ANXA10: variants seen among roughly 807,000 people sequenced by gnomAD.
The protein encoded by ANXA10 is annexin A10, also known as annexin 14.
Under a neutral mutation model 53.5 loss-of-function variants are expected in ANXA10, and 49 were observed. That is an observed-to-expected ratio of 0.92 (90% CI 0.73 to 1.16). ANXA10 has a LOEUF of 1.16. ANXA10 is among the 50% of genes most tolerant of loss of function. ANXA10 has a pLI of 0.00. For synonymous variants in ANXA10, 131 were observed against 128.9 expected (o/e 1.02, Z -0.11); for missense variants, 393 against 394.4 (o/e 1.00, Z 0.03).
At chr4:168,124,116 G>A (rs1325141977) in intron 1 of ANXA10, among the ~76,000 whole-genome samples, 1 of 152,190 alleles carries the variant, frequency 6.6e-6, no homozygotes, top group Non-Finnish European at 1.5e-5. Flanking sequence ...TGATGCTGTA[G>A]TAGCATGTGC....
chr4:168,139,562 C>CG lies in ANXA10; in HGVS notation c.177_178insG (p.Gln60AlafsTer35). ...AAAGGATGATGATTGCAGAGGCATA[C>CG]CAGAGCATGTATGGCCGGGTAAGGC... On this transcript the variant is annotated frameshift_variant, in exon 3 of 12. Coordinates refer to ENST00000359299, the MANE Select transcript of ANXA10 (RefSeq NM_007193.5). LOFTEE classifies it high-confidence loss of function. The CG allele has an allele frequency of 6.2e-7, 1 of 1,611,334 alleles. No homozygotes were observed. Among genetic ancestry groups the CG allele is most frequent in the South Asian group, 1.1e-5 (1 of 90,848 alleles).
chr4:168,177,262 G>A (rs1325666744), intron 6 of ANXA10, among the ~76,000 whole-genome samples: 1 of 152,154 alleles, frequency 6.6e-6, no homozygotes, highest in East Asian at 1.9e-4. Flanking sequence ...ATAATGGAGT[G>A]AGAGTTAAAC....
chr4:168,102,501 A>G (rs945114379), intron 1 of ANXA10, among the ~76,000 whole-genome samples: 3 of 152,098 alleles, frequency 2.0e-5, no homozygotes, highest in Non-Finnish European at 2.9e-5. Context: ...GTCATAAACT[A>G]TTGAACCTTT....
chr4:168,143,428 C>T (rs1042739269), intron 3 of ANXA10, among the ~76,000 whole-genome samples: 2 of 152,204 alleles, frequency 1.3e-5, no homozygotes, highest in Non-Finnish European at 2.9e-5. Context: ...TACATTCGTG[C>T]AGAGTGGCTG....
At chr4:168,156,306 A>AATATATAATATATTAT (rs1731676175) in intron 3 of ANXA10, among the ~76,000 whole-genome samples, 3 of 66,968 alleles carry the variant, frequency 4.5e-5, no homozygotes, top group African/African-American at 1.6e-4. Context: ...TATTATATAT[A>AATATATAATATATTAT]ATAGTATATA....
At chr4:168,172,108 C>T (rs148537472) in intron 6 of ANXA10, among the ~76,000 whole-genome samples, 175 of 152,304 alleles carry the variant, frequency 1.1e-3, no homozygotes, top group African/African-American at 4.0e-3. Context: ...ATTCTGTACT[C>T]ATTTATGCCA....
chr4:168,110,102 T>C (rs1010571481), intron 1 of ANXA10, among the ~76,000 whole-genome samples: 28 of 152,060 alleles, frequency 1.8e-4, no homozygotes, highest in Non-Finnish European at 2.8e-4. Flanking sequence ...TCTCAGCTAC[T>C]CAAGAGGCTG....
At position 168,187,490 on chromosome 4, in the gene ANXA10, G is replaced by A; in HGVS notation, c.*56G>A. 8.4e-7 allele frequency: 1 copy of A among 1,193,652 alleles called. No individual in the cohort carries two copies. The highest frequency in any genetic ancestry group is 1.2e-6 in the Non-Finnish European group (1 of 855,836). The allele number at this position is 1,193,652 out of a possible 1,614,324, so 73.9% of individuals were successfully genotyped here. A position where few individuals can be genotyped will look rare whatever the true frequency, so the allele number is the denominator to read the frequency against. On this transcript the variant is annotated 3_prime_UTR_variant, in exon 12 of 12. Coordinates refer to ENST00000359299, the MANE Select transcript of ANXA10 (RefSeq NM_007193.5). The stretch of plus-strand genomic sequence containing the variant: ...CTCTTTCTAGACACTTCCAAATAGA[G>A]ATTTTCTCACAAATTTGTACTGTTC...
At chr4:168,109,100 G>A (rs1022570848) in intron 1 of ANXA10, among the ~76,000 whole-genome samples, 2 of 152,050 alleles carry the variant, frequency 1.3e-5, no homozygotes, top group Admixed American at 6.5e-5. Context: ...AATTATAAAG[G>A]GACCAATTTT....
At chr4:168,153,645 G>A (rs557346626) in intron 3 of ANXA10, among the ~76,000 whole-genome samples, 1 of 152,054 alleles carries the variant, frequency 6.6e-6, no homozygotes, top group East Asian at 1.9e-4. Flanking sequence ...AGGTTTTGTG[G>A]GGTTGGAAAG....
chr4:168,116,165 A>T (rs1730890105), intron 1 of ANXA10, among the ~76,000 whole-genome samples: 1 of 152,216 alleles, frequency 6.6e-6, no homozygotes, highest in South Asian at 2.1e-4. Context: ...TAAAGACTTC[A>T]CATAATATAG....
chr4:168,174,057 C>G (rs1175014141), intron 6 of ANXA10, among the ~76,000 whole-genome samples: 2 of 152,068 alleles, frequency 1.3e-5, no homozygotes, highest in East Asian at 1.9e-4. Context: ...TTGCTGAGAG[C>G]TGTTTCTTCA....
chr4:168,170,310 A>C (rs1293958991), intron 6 of ANXA10, among the ~76,000 whole-genome samples: 1 of 152,136 alleles, frequency 6.6e-6, no homozygotes, highest in Non-Finnish European at 1.5e-5. Flanking sequence ...TTTTCAAAAA[A>C]TGTAGCACCT....
chr4:168,135,950 T>C (rs1448299933), intron 2 of ANXA10, among the ~76,000 whole-genome samples: 1 of 152,038 alleles, frequency 6.6e-6, no homozygotes, highest in Non-Finnish European at 1.5e-5. Context: ...ACAGGAAGCA[T>C]GGCTGGGGAG....
chr4:168,181,335 G>T (rs1178516995), intron 9 of ANXA10, among the ~76,000 whole-genome samples: 1 of 148,322 alleles, frequency 6.7e-6, no homozygotes, highest in African/African-American at 2.5e-5. Context: ...AGCTTGCAGT[G>T]AGCCGAGATT....
chr4:168,183,882 T>C (rs1486707234), intron 10 of ANXA10, among the ~76,000 whole-genome samples: 2 of 152,188 alleles, frequency 1.3e-5, no homozygotes, highest in Non-Finnish European at 1.5e-5. Context: ...AAAAATCAGA[T>C]TCTGTTTTCT....
intron 1 of ANXA10, among the ~76,000 whole-genome samples, chr4:168,116,234 C>T (rs1240847716): frequency 6.6e-6 from 1 of 151,872 alleles, no homozygotes; most frequent in Non-Finnish European, 1.5e-5. Context: ...AGACAAAACA[C>T]GTGCAGAAAA....
chr4:168,174,251 T>C (rs1247968502), intron 6 of ANXA10, among the ~76,000 whole-genome samples: 1 of 152,138 alleles, frequency 6.6e-6, no homozygotes, highest in Non-Finnish European at 1.5e-5. Flanking sequence ...CATGCCCCCT[T>C]TAGTCAGGCT....
At chr4:168,117,136 A>G (rs2149467531) in intron 1 of ANXA10, among the ~76,000 whole-genome samples, 1 of 152,288 alleles carries the variant, frequency 6.6e-6, no homozygotes, top group African/African-American at 2.4e-5. Flanking sequence ...CCAGCTACTT[A>G]GGAGGCTGAG....
Sources: gnomAD v4.1 joint callset for allele counts (sites outside exome capture counted in the v4.1 genomes callset) on GRCh38, gnomAD v4.1.1 for gene constraint, MANE v1.5 for transcripts, NCBI Gene and HGNC (gene_info 2026-07-23, HGNC 2026-07-21) for gene names.